Variants in CNTN6 observed in about 807,000 individuals in gnomAD.
CNTN6 encodes contactin 6.
CNTN6 carries 137 observed loss-of-function variants against 122.8 expected under a neutral mutation model. The ratio of observed to expected loss-of-function variants is 1.12; its 90% CI spans 0.97 to 1.29. The LOEUF (loss-of-function observed/expected upper bound fraction) is 1.29. Ranked by LOEUF, CNTN6 falls within the 50% of genes most tolerant of loss-of-function variation. CNTN6 has a pLI of 0.00. For synonymous variants in CNTN6, 570 were observed against 426.0 expected (o/e 1.34, Z -4.16); for missense variants, 1,634 against 1,223.4 (o/e 1.34, Z -5.01).
At chr3:1,156,933 TCTTGA>T in intron 2 of CNTN6, among the ~76,000 whole-genome samples, 1 of 152,074 alleles carries the variant, frequency 6.6e-6, no homozygotes, top group East Asian at 1.9e-4. Flanking sequence ...CTCAGGCTGG[TCTTGA>T]CTTCTTGGCC....
chr3:1,368,008 G>A (rs550856479), intron 12 of CNTN6, among the ~76,000 whole-genome samples: 1 of 152,282 alleles, frequency 6.6e-6, no homozygotes, highest in South Asian at 2.1e-4. Context: ...AATAAACTTT[G>A]TCAATAAATT....
chr3:1,191,344 C>T (rs1302643902), intron 2 of CNTN6, among the ~76,000 whole-genome samples: 2 of 152,072 alleles, frequency 1.3e-5, no homozygotes, highest in African/African-American at 2.4e-5. Flanking sequence ...CTTTCAGTCC[C>T]GTCTCCCATC....
intron 2 of CNTN6, among the ~76,000 whole-genome samples, chr3:1,174,944 A>G (rs2093421558): frequency 6.6e-6 from 1 of 152,144 alleles, no homozygotes; most frequent in Non-Finnish European, 1.5e-5. Context: ...GTGTATTAAA[A>G]CAAATATCTT....
intron 7 of CNTN6, among the ~76,000 whole-genome samples, chr3:1,307,477 C>CCCA (rs111554934): frequency 0.23 from 34,925 of 151,684 alleles, 6,903 homozygotes; most frequent in African/African-American, 0.54. Context: ...TATAACCCCC[C>CCCA]CACACACAAT....
At chr3:1,145,283 T>G (rs2092701437) in intron 1 of CNTN6, among the ~76,000 whole-genome samples, 1 of 152,196 alleles carries the variant, frequency 6.6e-6, no homozygotes, top group East Asian at 1.9e-4. Context: ...TGCCATTGGT[T>G]TCAATTAAGC....
intron 1 of CNTN6, among the ~76,000 whole-genome samples, chr3:1,137,978 C>A (rs911136959): frequency 1.3e-5 from 2 of 152,208 alleles, no homozygotes; most frequent in Non-Finnish European, 2.9e-5. Flanking sequence ...TTCCACAAGA[C>A]AGCCCTTCAA....
intron 2 of CNTN6, among the ~76,000 whole-genome samples, chr3:1,216,328 C>T (rs2094130017): frequency 6.6e-6 from 1 of 152,096 alleles, no homozygotes; most frequent in African/African-American, 2.4e-5. Flanking sequence ...GGTGTGAGGA[C>T]GACATTAGGA....
intron 1 of CNTN6, among the ~76,000 whole-genome samples, chr3:1,119,061 AAG>A (rs2091846392): frequency 1.3e-5 from 2 of 152,138 alleles, no homozygotes; most frequent in Admixed American, 6.6e-5. Context: ...GGAATTTGAA[AAG>A]AAGTCAATGT....
chr3:1,356,224 A>G (rs1706531103), intron 12 of CNTN6, among the ~76,000 whole-genome samples: 1 of 151,848 alleles, frequency 6.6e-6, no homozygotes, highest in African/African-American at 2.4e-5. Context: ...AGGCTATAAA[A>G]ATGATCTTGT....
intron 19 of CNTN6, among the ~76,000 whole-genome samples, chr3:1,384,857 A>C (rs1692621117): frequency 6.7e-6 from 1 of 148,774 alleles, no homozygotes; most frequent in Admixed American, 6.8e-5. Context: ...TTCCAACAGA[A>C]AGTTCTACTC....
intron 5 of CNTN6, among the ~76,000 whole-genome samples, chr3:1,289,680 T>G (rs1694958554): frequency 8.1e-6 from 1 of 123,560 alleles, no homozygotes; most frequent in Non-Finnish European, 1.5e-5. Context: ...TTTTGGGTTT[T>G]TTTTTTTTTT....
At chr3:1,370,173 C>G (rs1708809430) in intron 12 of CNTN6, among the ~76,000 whole-genome samples, 2 of 151,884 alleles carry the variant, frequency 1.3e-5, no homozygotes, top group Admixed American at 6.6e-5. Flanking sequence ...TGGCAGTTGG[C>G]CAAGTTTTTT....
chr3:1,202,329 A>C (rs1018436949), intron 2 of CNTN6, among the ~76,000 whole-genome samples: 1 of 152,102 alleles, frequency 6.6e-6, no homozygotes, highest in Non-Finnish European at 1.5e-5. Flanking sequence ...TCACGAGCTC[A>C]GGATATCAAG....
At chr3:1,103,468 A>T (rs996163123) in intron 1 of CNTN6, among the ~76,000 whole-genome samples, 49 of 152,162 alleles carry the variant, frequency 3.2e-4, no homozygotes, top group African/African-American at 1.2e-3. Flanking sequence ...GAAGTTTTCT[A>T]TCTGCTTTCT....
chr3:1,261,065 A>G (rs1178530506), intron 4 of CNTN6, among the ~76,000 whole-genome samples: 1 of 152,130 alleles, frequency 6.6e-6, no homozygotes, highest in Non-Finnish European at 1.5e-5. Flanking sequence ...TTAGAGAAAC[A>G]TTGGTTTGCC....
At chr3:1,205,576 G>T (rs965807742) in intron 2 of CNTN6, among the ~76,000 whole-genome samples, 1 of 152,128 alleles carries the variant, frequency 6.6e-6, no homozygotes, top group Non-Finnish European at 1.5e-5. Flanking sequence ...ATTCCTGCTT[G>T]TAGCTACCTA....
At chr3:1,200,057 C>G (rs1335135844) in intron 2 of CNTN6, among the ~76,000 whole-genome samples, 1 of 151,556 alleles carries the variant, frequency 6.6e-6, no homozygotes, top group Non-Finnish European at 1.5e-5. Flanking sequence ...TTTTTTTAGA[C>G]ATATATATAT....
chr3:1,328,389 A>G (rs1175483705), intron 10 of CNTN6, among the ~76,000 whole-genome samples: 1 of 151,786 alleles, frequency 6.6e-6, no homozygotes, highest in Non-Finnish European at 1.5e-5. Flanking sequence ...AGAGGAGATA[A>G]AAGAGAGGAA....
intron 2 of CNTN6, among the ~76,000 whole-genome samples, chr3:1,148,389 C>T (rs1416236609): frequency 6.6e-6 from 1 of 151,216 alleles, no homozygotes; most frequent in African/African-American, 2.4e-5. Context: ...ATTTTTATCA[C>T]CAATAAACAG....
Sources: gnomAD v4.1 joint callset for allele counts (sites outside exome capture counted in the v4.1 genomes callset) on GRCh38, gnomAD v4.1.1 for gene constraint, MANE v1.5 for transcripts, NCBI Gene and HGNC (gene_info 2026-07-23, HGNC 2026-07-21) for gene names.